WWOX: variants seen among roughly 807,000 people sequenced by gnomAD.
WWOX encodes WW domain-containing oxidoreductase.
In WWOX, 69 loss-of-function variants were observed where a neutral mutation model predicts 46.2. The observed-to-expected ratio is 1.49, with a 90% confidence interval of 1.23 to 1.82. The LOEUF (loss-of-function observed/expected upper bound fraction) is 1.82, where lower values mean the gene tolerates loss of function less well. Ranked by LOEUF, WWOX falls within the 40% of genes most tolerant of loss-of-function variation. The pLI, the probability that WWOX is intolerant of heterozygous loss-of-function variation, is 0.00. For missense variants in WWOX, 919 were observed against 542.6 expected, an observed-to-expected ratio of 1.69 and a Z score of -6.89; for synonymous variants, 359 against 202.6, an observed-to-expected ratio of 1.77 and a Z score of -6.56.
intron 8 of WWOX, among the ~76,000 whole-genome samples, chr16:78,620,040 C>T (rs1457334462): frequency 6.6e-6 from 1 of 152,158 alleles, no homozygotes; most frequent in East Asian, 1.9e-4. Flanking sequence ...ACGTCAGCTT[C>T]CTTTTCTGCC....
intron 8 of WWOX, among the ~76,000 whole-genome samples, chr16:78,615,819 C>T (rs1039817064): frequency 5.9e-5 from 9 of 151,312 alleles, no homozygotes; most frequent in African/African-American, 9.7e-5. Context: ...GGCACAGTCT[C>T]CGCTCACTGT....
chr16:78,346,793 C>T (rs1286272846), intron 5 of WWOX, among the ~76,000 whole-genome samples: 1 of 120,504 alleles, frequency 8.3e-6, no homozygotes, highest in African/African-American at 2.8e-5. Context: ...CAACCTCTGC[C>T]TACTGGGTTC....
chr16:78,824,330 A>G (rs575637759), intron 8 of WWOX, among the ~76,000 whole-genome samples: 1 of 152,238 alleles, frequency 6.6e-6, no homozygotes, highest in South Asian at 2.1e-4. Flanking sequence ...TGATTGGTTG[A>G]TTTACTGTAT....
intron 5 of WWOX, among the ~76,000 whole-genome samples, chr16:78,312,286 A>AG (rs1238540055): frequency 1.3e-5 from 2 of 151,582 alleles, no homozygotes; most frequent in Non-Finnish European, 2.9e-5. Flanking sequence ...TATCTTTTGT[A>AG]GGGGGTAATT....
intron 8 of WWOX, among the ~76,000 whole-genome samples, chr16:79,018,993 A>G (rs2047473552): frequency 6.6e-6 from 1 of 151,648 alleles, no homozygotes; most frequent in East Asian, 1.9e-4. Flanking sequence ...TCTACAAAAA[A>G]TTTTAAAAAT....
intron 8 of WWOX, among the ~76,000 whole-genome samples, chr16:78,604,015 A>C (rs573236176): frequency 6.6e-6 from 1 of 152,014 alleles, no homozygotes; most frequent in Non-Finnish European, 1.5e-5. Context: ...ATGGTGGCAC[A>C]CACCTATAGT....
chr16:78,438,059 T>C (rs926078730), intron 8 of WWOX, among the ~76,000 whole-genome samples: 1 of 152,212 alleles, frequency 6.6e-6, no homozygotes, highest in African/African-American at 2.4e-5. Flanking sequence ...CTTGGGTTTT[T>C]GCAGTTGTAA....
intron 8 of WWOX, among the ~76,000 whole-genome samples, chr16:78,618,795 A>C (rs565938277): frequency 2.6e-5 from 4 of 151,992 alleles, no homozygotes; most frequent in African/African-American, 9.7e-5. Flanking sequence ...GGAAGCTTGG[A>C]GTCGCTGCCC....
chr16:79,178,206 T>TA (rs1567600663), intron 8 of WWOX, among the ~76,000 whole-genome samples: 2 of 152,124 alleles, frequency 1.3e-5, no homozygotes, highest in East Asian at 3.8e-4. Flanking sequence ...CCATGGACAA[T>TA]ACACAAATGA....
At chr16:78,659,649 GTTCAGGA>G (rs1183547003) in intron 8 of WWOX, among the ~76,000 whole-genome samples, 1 of 152,192 alleles carries the variant, frequency 6.6e-6, no homozygotes, top group Non-Finnish European at 1.5e-5. Flanking sequence ...ATCGGAGCGA[GTTCAGGA>G]GAGTTGTGTT....
intron 5 of WWOX, among the ~76,000 whole-genome samples, chr16:78,185,960 C>T (rs2035688951): frequency 6.6e-6 from 1 of 152,162 alleles, no homozygotes; most frequent in Admixed American, 6.5e-5. Flanking sequence ...GTCAGAGCAC[C>T]CGGCCTCAAA....
chr16:79,048,906 T>C (rs1337641511), intron 8 of WWOX, among the ~76,000 whole-genome samples: 1 of 152,150 alleles, frequency 6.6e-6, no homozygotes, highest in Non-Finnish European at 1.5e-5. Context: ...TCCAGAACTG[T>C]AAGGGACCCC....
At chr16:78,438,665 C>T (rs1399214434) in intron 8 of WWOX, among the ~76,000 whole-genome samples, 1 of 152,104 alleles carries the variant, frequency 6.6e-6, no homozygotes, top group Non-Finnish European at 1.5e-5. Context: ...AAGAGCTTAG[C>T]AGATGTTTTA....
At chr16:78,749,991 C>G (rs894632889) in intron 8 of WWOX, among the ~76,000 whole-genome samples, 12 of 152,106 alleles carry the variant, frequency 7.9e-5, no homozygotes, top group African/African-American at 2.4e-4. Context: ...TCTCAGCTCC[C>G]CCCAACAATC....
chr16:78,436,999 A>G (rs75503490), intron 8 of WWOX, among the ~76,000 whole-genome samples: 10,700 of 152,274 alleles, frequency 0.07, 435 homozygotes, highest in South Asian at 0.091. Flanking sequence ...CATAGATGCA[A>G]TGTCCCTATC....
chr16:78,149,127 G>C (rs1396777516), intron 4 of WWOX, among the ~76,000 whole-genome samples: 1 of 152,022 alleles, frequency 6.6e-6, no homozygotes, highest in Non-Finnish European at 1.5e-5. Context: ...AAAGTGCTGG[G>C]ATTATACTTT....
chr16:78,210,574 T>G (rs571810467), intron 5 of WWOX, among the ~76,000 whole-genome samples: 1 of 152,146 alleles, frequency 6.6e-6, no homozygotes, highest in Non-Finnish European at 1.5e-5. Context: ...AATCCTGCGT[T>G]TTCTCACCAG....
At chr16:78,728,392 A>G (rs1392154292) in intron 8 of WWOX, among the ~76,000 whole-genome samples, 1 of 152,082 alleles carries the variant, frequency 6.6e-6, no homozygotes, top group Admixed American at 6.6e-5. Context: ...ATTTCTATAA[A>G]ATATAACCAT....
intron 8 of WWOX, among the ~76,000 whole-genome samples, chr16:79,059,855 C>T (rs902167740): frequency 9.9e-5 from 15 of 152,116 alleles, no homozygotes; most frequent in Non-Finnish European, 1.3e-4. Flanking sequence ...TGGACTGGTT[C>T]GCACACACAA....
Sources: gnomAD v4.1 joint callset for allele counts (sites outside exome capture counted in the v4.1 genomes callset) on GRCh38, gnomAD v4.1.1 for gene constraint, MANE v1.5 for transcripts, NCBI Gene and HGNC (gene_info 2026-07-23, HGNC 2026-07-21) for gene names.